The following HIVEP1 variants were observed in gnomAD, a reference collection of about 807,000 sequenced individuals.
The protein encoded by HIVEP1 is HIVEP zinc finger 1, also known as zinc finger protein 40.
A neutral mutation model predicts 180.0 loss-of-function variants in HIVEP1; 36 were observed. The observed-to-expected ratio is 0.20, with a 90% CI of 0.15 to 0.26. The LOEUF (loss-of-function observed/expected upper bound fraction) is 0.26. Among genes scored for constraint, HIVEP1 ranks in the 10% least tolerant of loss-of-function variants. The probability of loss-of-function intolerance (pLI) is 1.00; values close to 1 mark genes in which losing one functional copy is unlikely to be tolerated. For missense variants in HIVEP1, 3,143 were observed against 3,268.7 expected (o/e 0.96, Z 0.94); for synonymous variants, 1,239 against 1,239.0 (o/e 1.00, Z 0.00).
chr6:12,102,629 A>C (rs1774178228), intron 3 of HIVEP1, among the ~76,000 whole-genome samples: 1 of 152,244 alleles, frequency 6.6e-6, no homozygotes. Flanking sequence ...TAGCAAAGAT[A>C]AGTGCCTCTG....
At chr6:12,105,626 A>T (rs1228152498) in intron 3 of HIVEP1, among the ~76,000 whole-genome samples, 1 of 152,180 alleles carries the variant, frequency 6.6e-6, no homozygotes, top group African/African-American at 2.4e-5. Context: ...TTTATACATT[A>T]TCATATTAAC....
upstream of HIVEP1, among the ~76,000 whole-genome samples, chr6:12,011,363 G>A (rs1192490293): frequency 1.5e-5 from 2 of 133,922 alleles, no homozygotes; most frequent in East Asian, 2.2e-4. Flanking sequence ...CCCACATCCT[G>A]CTGTAGAAAG....
chr6:12,181,710 G>A, the HIVEP1 span, among the ~76,000 whole-genome samples: 4 of 152,220 alleles, frequency 2.6e-5, no homozygotes, highest in South Asian at 4.1e-4. Context: ...TGACGCCCTC[G>A]CTACAGTCAG....
At chr6:12,068,997 G>A (rs1771787560) in intron 2 of HIVEP1, among the ~76,000 whole-genome samples, 1 of 152,124 alleles carries the variant, frequency 6.6e-6, no homozygotes, top group Non-Finnish European at 1.5e-5. Flanking sequence ...TTTAAAACAT[G>A]TGTGCACATA....
the HIVEP1 span, among the ~76,000 whole-genome samples, chr6:12,208,218 A>G: frequency 2.1e-4 from 32 of 152,298 alleles, no homozygotes; most frequent in African/African-American, 7.5e-4. Context: ...CATGCCTTGT[A>G]GCACCTAACA....
At chr6:12,042,946 G>A (rs567658752) in intron 2 of HIVEP1, among the ~76,000 whole-genome samples, 84 of 152,224 alleles carry the variant, frequency 5.5e-4, no homozygotes, top group African/African-American at 1.9e-3. Context: ...TGTATGTCAT[G>A]AGGTTATGGA....
At chr6:12,076,181 T>G (rs145585870) in intron 2 of HIVEP1, among the ~76,000 whole-genome samples, 2 of 152,322 alleles carry the variant, frequency 1.3e-5, no homozygotes, top group African/African-American at 4.8e-5. Context: ...ATTAACTGAT[T>G]GCTTTTAAGT....
At chr6:12,011,700 C>T (rs1349433659), upstream of HIVEP1, among the ~76,000 whole-genome samples, 3 of 149,298 alleles carry the variant, frequency 2.0e-5, no homozygotes, top group Non-Finnish European at 4.5e-5. Context: ...TGGGGCCCGC[C>T]CCGCCGGGGA....
chr6:12,109,822 A>G (rs530432372), intron 3 of HIVEP1, among the ~76,000 whole-genome samples: 1 of 152,362 alleles, frequency 6.6e-6, no homozygotes, highest in East Asian at 1.9e-4. Flanking sequence ...CCTTTCAAGA[A>G]GGCTTTCAAT....
chr6:12,017,149 AAC>A (rs1408143911), intron 2 of HIVEP1, among the ~76,000 whole-genome samples: 3 of 152,356 alleles, frequency 2.0e-5, no homozygotes, highest in South Asian at 2.1e-4. Context: ...TATCCTGAGA[AAC>A]ACAGATTTAC....
chr6:12,014,120 T>G (rs1767585275), intron 1 of HIVEP1, among the ~76,000 whole-genome samples: 1 of 152,208 alleles, frequency 6.6e-6, no homozygotes, highest in Non-Finnish European at 1.5e-5. Flanking sequence ...GGATAATATT[T>G]CCTAATTTTA....
chr6:12,134,109 T>C (rs2113581254), intron 6 of HIVEP1, among the ~76,000 whole-genome samples: 1 of 152,372 alleles, frequency 6.6e-6, no homozygotes, highest in Admixed American at 6.5e-5. Flanking sequence ...AAACCATTTT[T>C]ATAATTTCTT....
intron 2 of HIVEP1, among the ~76,000 whole-genome samples, chr6:12,080,985 G>A (rs1368278186): frequency 3.3e-5 from 5 of 152,054 alleles, no homozygotes; most frequent in East Asian, 3.9e-4. Flanking sequence ...ATCTCTGGGC[G>A]CTCTGACTTC....
At chr6:12,196,026 A>G in the HIVEP1 span, among the ~76,000 whole-genome samples, 1 of 152,238 alleles carries the variant, frequency 6.6e-6, no homozygotes, top group East Asian at 1.9e-4. Context: ...TCTTGCAACT[A>G]AGGCTAGATG....
At chr6:12,055,343 C>T (rs1056254225) in intron 2 of HIVEP1, among the ~76,000 whole-genome samples, 1 of 152,030 alleles carries the variant, frequency 6.6e-6, no homozygotes, top group African/African-American at 2.4e-5. Context: ...CATGGTGGCA[C>T]GTGCCTGTAA....
intron 3 of HIVEP1, among the ~76,000 whole-genome samples, chr6:12,105,192 C>T (rs1213583407): frequency 4.6e-5 from 7 of 152,138 alleles, no homozygotes; most frequent in Non-Finnish European, 8.8e-5. Flanking sequence ...AAGTGAGTTG[C>T]AGTTTATGTG....
rs772968622 is a variant in HIVEP1, at chr6:12,163,895, T to C, written c.7591T>C (p.Ser2531Pro). ...GLQVLTANPS[S>P]QSSPAPQAHI... ...GCAGGTTCTGACTGCAAACCCTTCA[T>C]CACAAAGCAGCCCCGCCCCTCAGGC... Residue 2531 changes from serine (S) to proline (P), a missense_variant, in exon 9 of 9, where the codon TCA becomes CCA. Ser to Pro is a moderately conservative substitution (Grantham distance 74). Around this residue, in one of 12 missense-constraint regions of HIVEP1, gnomAD observed 595 missense variants for 602.2 expected, o/e 0.99. Transcript: ENST00000379388. 5.6e-6 allele frequency: 9 copies of C among 1,613,960 alleles called. No individual in the cohort carries two copies. In the African/African-American group the frequency reaches 1.2e-4, roughly 22 times the overall value.
upstream of HIVEP1, chr6:12,008,160 G>C (rs752308635): frequency 6.6e-6 from 1 of 152,162 alleles, no homozygotes; most frequent in South Asian, 2.1e-4. Flanking sequence ...ACAGTTACAA[G>C]CTTTTCATAA....
chr6:12,133,353 G>A (rs1295475349), intron 6 of HIVEP1, among the ~76,000 whole-genome samples: 1 of 152,140 alleles, frequency 6.6e-6, no homozygotes, highest in East Asian at 1.9e-4. Context: ...AGCTCTAGGA[G>A]TCAAGAAACA....
Sources: allele counts gnomAD v4.1 joint callset (sites outside exome capture counted in the v4.1 genomes callset), GRCh38; gene constraint gnomAD v4.1.1; regional missense constraint gnomAD v4.1.1; transcripts MANE v1.5; gene names NCBI Gene and HGNC (gene_info 2026-07-23, HGNC 2026-07-21).